Variants in CHST13 observed in about 807,000 individuals in gnomAD.
CHST13 encodes the protein carbohydrate sulfotransferase 13.
CHST13 carries 1 observed loss-of-function variant against 7.0 expected under a neutral mutation model. The ratio of observed to expected loss-of-function variants is 0.14; its 90% CI spans 0.05 to 0.68. The LOEUF (loss-of-function observed/expected upper bound fraction) is 0.68, where lower values mean the gene tolerates loss of function less well. Ranked by LOEUF, CHST13 falls within the 30% of genes least tolerant of loss-of-function variation. The pLI is 0.82. For synonymous variants in CHST13, 257 were observed against 240.9 expected (o/e 1.07, Z -0.62); for missense variants, 572 against 507.9 (o/e 1.13, Z -1.21).
chr3:126,538,875 T>A (rs562108865), intron 2 of CHST13, among the ~76,000 whole-genome samples: 1 of 152,228 alleles, frequency 6.6e-6, no homozygotes, highest in African/African-American at 2.4e-5. Context: ...GGTGAGATTT[T>A]AAAAATGTAA....
chr3:126,541,647 G>C (rs981888051), intron 2 of CHST13, 86 bp from the exon 3 acceptor site: 2 of 1,258,126 alleles, frequency 1.6e-6, no homozygotes, highest in African/African-American at 3.2e-5. Context: ...CCCAATTCCC[G>C]GGCGCATCCC....
chr3:126,535,595 G>A (rs1936772359), intron 1 of CHST13, among the ~76,000 whole-genome samples: 1 of 127,712 alleles, frequency 7.8e-6, no homozygotes, highest in East Asian at 2.4e-4. Flanking sequence ...CCTCAGTCGG[G>A]AGACAGCCGG....
In CHST13 at chr3:126,532,044, G is replaced by A. The variant is rs967999548; in HGVS notation, c.98-4227G>A. 2.5e-4 allele frequency among the ~76,000 whole-genome samples: 38 copies of A among 152,278 alleles called. 2 individuals carry two copies. Among genetic ancestry groups the A allele is most frequent in the Admixed American group, 2.1e-3 (32 of 15,300 alleles). Reference sequence around the variant, plus strand: ...CTAGTGATGTTGCGCACCTTTTCATGTGCTTATTGCTGTAGGTATATCTTT... The same window carrying A: ...CTAGTGATGTTGCGCACCTTTTCATATGCTTATTGCTGTAGGTATATCTTT... On this transcript the variant is annotated intron_variant, in intron 1 of 2. Transcript: ENST00000319340.
chr3:126,539,930 CGCCACACATGCCACACCT>C (rs1319961574), intron 2 of CHST13, among the ~76,000 whole-genome samples: 13 of 147,436 alleles, frequency 8.8e-5, no homozygotes, highest in African/African-American at 3.2e-4. Flanking sequence ...ACCACACACC[CGCCACACATGCCACACCT>C]GCCACACATG....
At chr3:126,530,396 G>A (rs1384883194) in intron 1 of CHST13, among the ~76,000 whole-genome samples, 1 of 152,250 alleles carries the variant, frequency 6.6e-6, no homozygotes, top group Non-Finnish European at 1.5e-5. Flanking sequence ...AAGGCTGGGA[G>A]CCTCCGAGTA....
intron 1 of CHST13, chr3:126,529,153 GCTT>G: frequency 2.0e-6 from 1 of 493,126 alleles, no homozygotes; most frequent in Non-Finnish European, 3.6e-6. Flanking sequence ...CGCGAGCCCT[GCTT>G]TGGCTGAGGT....
intron 2 of CHST13, among the ~76,000 whole-genome samples, chr3:126,539,983 C>T (rs1458888044): frequency 2.1e-5 from 2 of 96,522 alleles, no homozygotes; most frequent in African/African-American, 7.5e-5. Context: ...ATGCCACACA[C>T]GCATGACACA....
At chr3:126,538,393 G>A (rs1873400) in intron 2 of CHST13, among the ~76,000 whole-genome samples, 51,667 of 152,172 alleles carry the variant, frequency 0.34, 9,268 homozygotes, top group African/African-American at 0.45. Context: ...TTCACCCTAA[G>A]GGAGTCTTTC....
intron 2 of CHST13, 70 bp downstream of exon 2, chr3:126,536,423 C>A (rs551179629): frequency 4.2e-5 from 51 of 1,217,658 alleles, no homozygotes; most frequent in Admixed American, 1.4e-4. Flanking sequence ...AGCAACAGTG[C>A]AGACCTGCTG....
chr3:126,539,472 T>TGC (rs2107570884), intron 2 of CHST13, among the ~76,000 whole-genome samples: 1 of 136,204 alleles, frequency 7.3e-6, no homozygotes, highest in Admixed American at 7.2e-5. Flanking sequence ...CCACACACAC[T>TGC]GCACACACAC....
chr3:126,536,351 C>T lies in CHST13; in HGVS notation c.178C>T (p.Gln60Ter). Residue 60 changes from glutamine to a stop codon, truncating the protein, a stop_gained and splice_region_variant, in exon 2 of 3, where the codon CAG becomes TAG. Transcript: ENST00000319340. LOFTEE classifies it low-confidence loss of function (END_TRUNC). ...SPLQKLYDLD[Q>*]DPRSTLAKVH... is the part of the protein sequence containing the mutation. Reference sequence around the variant, plus strand: ...CCTGCAGAAGCTCTATGACCTGGATCAGGTAGGTGGACAGACCCTCGACCC... The same window carrying T: ...CCTGCAGAAGCTCTATGACCTGGATTAGGTAGGTGGACAGACCCTCGACCC... 6.2e-7 allele frequency: 1 copy of T among 1,613,250 alleles called. No individual in the cohort carries two copies. Among genetic ancestry groups the T allele is most frequent in the Non-Finnish European group, 8.5e-7 (1 of 1,179,286 alleles).
rs1368439836 is a variant in CHST13, at chr3:126,535,896, G to A, written c.98-375G>A. Among the ~76,000 whole-genome samples the A allele has an allele frequency of 5.3e-5, 8 of 152,350 alleles. No individual in the cohort carries two copies. The South Asian group carries it at 1.4e-3, about 28-fold the overall frequency. On this transcript the variant is annotated intron_variant, in intron 1 of 2. Coordinates refer to ENST00000319340, the MANE Select transcript of CHST13 (RefSeq NM_152889.3). ...AGGGTGCTGGGCAGCCAGCCAGCCT[G>A]GTGAACCCCACAAGGGTTGGGGCAT...
In CHST13 at chr3:126,542,436, G is replaced by T; in HGVS notation, c.884G>T (p.Arg295Leu). ...DLSFPGPPRP[R>L]GAAASRDLAA... ...AGCTTCCCTGGGCCGCCGCGGCCCC[G>T]GGGAGCCGCCGCCTCCCGCGACCTG... The change falls in exon 3 of 3, where the codon CGG becomes CTG. Residue 295 changes from arginine to leucine, a missense_variant. Arg to Leu is a moderately radical substitution (Grantham distance 102, BLOSUM62 -2). Coordinates refer to ENST00000319340, the MANE Select transcript of CHST13 (RefSeq NM_152889.3). The T allele has an allele frequency of 6.4e-7, 1 of 1,557,594 alleles. No individual in the cohort carries two copies. Among genetic ancestry groups the T allele is most frequent in the East Asian group, 2.5e-5 (1 of 39,764 alleles).
chr3:126,531,138 C>T (rs891878992), intron 1 of CHST13, among the ~76,000 whole-genome samples: 3 of 152,300 alleles, frequency 2.0e-5, no homozygotes, highest in African/African-American at 7.2e-5. Context: ...GGTGTCAAAG[C>T]ACGCTCCCAG....
Position 126,542,394 on chromosome 3 carries a change from C to T in CHST13, c.842C>T (p.Ala281Val), listed in dbSNP as rs765821914. The T allele has an allele frequency of 3.2e-6, 5 of 1,553,530 alleles. No individual in the cohort carries two copies. The highest frequency in any genetic ancestry group is 3.8e-5 in the Admixed American group (2 of 51,960). The change falls in exon 3 of 3, where the codon GCG becomes GTG. Residue 281 changes from alanine (A) to valine (V), a missense_variant. Coordinates refer to ENST00000319340, the MANE Select transcript of CHST13 (RefSeq NM_152889.3). ...GACGCGGCCTTCGTGCTGGGCCTGG[C>T]GGGCGCATCCGACCTGAGCTTCCCT... ...AEDAAFVLGL[A>V]GASDLSFPGP... is the part of the protein sequence containing the mutation.
At chr3:126,536,046 G>A (rs72982014) in intron 1 of CHST13, among the ~76,000 whole-genome samples, 17,529 of 152,150 alleles carry the variant, frequency 0.12, 1,627 homozygotes, top group African/African-American at 0.26. Context: ...TGGAGGGTAG[G>A]ACATGGGAGC....
intron 1 of CHST13, among the ~76,000 whole-genome samples, chr3:126,526,590 A>G (rs1936541205): frequency 6.6e-6 from 1 of 152,204 alleles, no homozygotes; most frequent in Non-Finnish European, 1.5e-5. Flanking sequence ...CTGAAGGGCT[A>G]CTGGCTCAGG....
At chr3:126,530,322 CTT>C (rs1178583569) in intron 1 of CHST13, among the ~76,000 whole-genome samples, 1 of 152,262 alleles carries the variant, frequency 6.6e-6, no homozygotes, top group Non-Finnish European at 1.5e-5. Flanking sequence ...ATGGTACCCA[CTT>C]TCCAGCAGGC....
intron 1 of CHST13, among the ~76,000 whole-genome samples, chr3:126,531,557 C>T (rs573866887): frequency 9.8e-5 from 15 of 152,374 alleles, no homozygotes; most frequent in Admixed American, 3.3e-4. Flanking sequence ...TAAATGGAAT[C>T]GTGTCTTAGC....
Sources: allele counts gnomAD v4.1 joint callset (sites outside exome capture counted in the v4.1 genomes callset), GRCh38; gene constraint gnomAD v4.1.1; transcripts MANE v1.5; gene names NCBI Gene and HGNC (gene_info 2026-07-23, HGNC 2026-07-21).